The following TANC2 variants were observed in gnomAD, a reference collection of about 807,000 sequenced individuals.
The protein encoded by TANC2 is tetratricopeptide repeat, ankyrin repeat and coiled-coil containing 2, also known as protein TANC2.
TANC2 carries 26 observed loss-of-function variants against 210.5 expected under a neutral mutation model. That is an observed-to-expected ratio of 0.12 (90% CI 0.09 to 0.17). TANC2 has a LOEUF of 0.17. TANC2 is among the 10% of genes least tolerant of loss of function. TANC2 has a pLI of 1.00. For missense variants in TANC2, 2,129 were observed against 2,608.9 expected (o/e 0.82, Z 4.01); for synonymous variants, 931 against 967.1 (o/e 0.96, Z 0.69).
chr17:62,991,751 G>C (rs2032881698), intron 1 of TANC2, among the ~76,000 whole-genome samples: 1 of 151,810 alleles, frequency 6.6e-6, no homozygotes, highest in South Asian at 2.1e-4. Flanking sequence ...TAAGAATCTA[G>C]AGCAAAAACA....
chr17:63,168,812 TACTC>T lies in TANC2; in HGVS notation c.433+17436_433+17439del, dbSNP rs534527811. 6.4e-3 allele frequency among the ~76,000 whole-genome samples: 968 copies of T among 152,298 alleles called. 6 individuals are homozygous for T. Among genetic ancestry groups the T allele is most frequent in the Middle Eastern group, 0.014 (4 of 294 alleles). ...AGAGTGGGAGAATGAAAATATCCGT[TACTC>T]ACTTACTGTTAAAACATACAGTTTC... On this transcript the variant is annotated intron_variant, in intron 5 of 27. Coordinates refer to ENST00000689528, the Ensembl canonical transcript of TANC2.
chr17:63,155,947 C>T (rs555920382), intron 5 of TANC2, among the ~76,000 whole-genome samples: 123 of 152,184 alleles, frequency 8.1e-4, no homozygotes, highest in African/African-American at 2.8e-3. Context: ...ACTGTCTTTT[C>T]CCAACTCCTG....
chr17:63,117,006 G>C (rs1165856188), intron 4 of TANC2: 2 of 152,196 alleles, frequency 1.3e-5, no homozygotes, highest in Non-Finnish European at 2.9e-5. Context: ...GAAGGAAACA[G>C]TAAGAGAGGA....
At chr17:63,140,157 C>G (rs1282614616) in intron 4 of TANC2, among the ~76,000 whole-genome samples, 1 of 152,208 alleles carries the variant, frequency 6.6e-6, no homozygotes, top group Non-Finnish European at 1.5e-5. Context: ...CTTAAACCTT[C>G]AAATGATTCT....
At chr17:62,980,250 G>A (rs1177612049) in intron 1 of TANC2, among the ~76,000 whole-genome samples, 1 of 152,156 alleles carries the variant, frequency 6.6e-6, no homozygotes, top group Non-Finnish European at 1.5e-5. Context: ...TGTTCTGTTT[G>A]TTTCTTATTG....
intron 5 of TANC2, chr17:63,153,107 G>C (rs1226306741): frequency 6.6e-6 from 1 of 152,070 alleles, no homozygotes; most frequent in Admixed American, 6.6e-5. Flanking sequence ...TTTCTACCAA[G>C]ATAAGAATGG....
chr17:63,282,646 C>T (rs1295420200), intron 9 of TANC2, among the ~76,000 whole-genome samples: 2 of 152,094 alleles, frequency 1.3e-5, no homozygotes, highest in Non-Finnish European at 2.9e-5. Context: ...TTCGTTCTCA[C>T]TATCCATGTA....
chr17:63,093,314 A>G (rs2037272607), intron 3 of TANC2, among the ~76,000 whole-genome samples: 1 of 151,964 alleles, frequency 6.6e-6, no homozygotes, highest in African/African-American at 2.4e-5. Context: ...GTATGCTTCA[A>G]GGTCCGTGTT....
chr17:63,340,238 C>G, exon 12 of TANC2: 1 of 1,613,958 alleles, frequency 6.2e-7, no homozygotes, highest in South Asian at 1.1e-5. Flanking sequence ...GGGAACCTCA[C>G]CTGCAGAGCA....
intron 2 of TANC2, among the ~76,000 whole-genome samples, chr17:63,023,474 G>A (rs117413361): frequency 0.025 from 3,798 of 152,326 alleles, 62 homozygotes; most frequent in Non-Finnish European, 0.037. Flanking sequence ...CCACGTAGCT[G>A]AGACTACAGG....
intron 8 of TANC2, among the ~76,000 whole-genome samples, chr17:63,243,052 C>G (rs1467058745): frequency 6.6e-6 from 1 of 152,178 alleles, no homozygotes; most frequent in Non-Finnish European, 1.5e-5. Flanking sequence ...TGCTATTGCT[C>G]TGAGTAAAAA....
chr17:63,125,019 T>C (rs539222632), intron 4 of TANC2: 29 of 152,288 alleles, frequency 1.9e-4, no homozygotes, highest in Non-Finnish European at 3.7e-4. Context: ...AAAAATGAAA[T>C]GTTTCTCTTT....
Position 63,287,769 on chromosome 17 carries a change from A to G in TANC2, c.1159+19896A>G, listed in dbSNP as rs1450280135. Among the ~76,000 whole-genome samples the G allele has an allele frequency of 2.0e-5, 3 of 151,404 alleles. No homozygotes were observed. The East Asian group carries it at 5.9e-4, about 30-fold the overall frequency. On this transcript the variant is annotated intron_variant, in intron 9 of 27. Transcript: ENST00000689528. ...CAGCTCACTGCAGTCTCCATCTCCTAGTCTCAGCAATTCTCCTGCCTCAGC... is the reference window on the plus strand; with the variant it reads ...CAGCTCACTGCAGTCTCCATCTCCTGGTCTCAGCAATTCTCCTGCCTCAGC...
chr17:63,341,678 A>T (rs1036833451), intron 12 of TANC2, among the ~76,000 whole-genome samples: 10 of 152,242 alleles, frequency 6.6e-5, no homozygotes, highest in African/African-American at 2.4e-4. Context: ...TAAACCATTC[A>T]TGGCACACCT....
rs561053300 is a variant in TANC2 at position 63,368,381 on chromosome 17, G to C, written c.2583-11337G>C. ...AATGTGCCTTTAGAAAATAGACAGA[G>C]AGAATGCTCAAGGCATGCAGCTATA... On this transcript the variant is annotated intron_variant, in intron 14 of 27. Transcript: ENST00000689528. 1.1e-4 allele frequency among the ~76,000 whole-genome samples: 17 copies of C among 152,266 alleles called. No individual in the cohort carries two copies. In the East Asian group the frequency reaches 1.3e-3, roughly 12 times the overall value.
chr17:63,233,087 C>T (rs748032991), intron 7 of TANC2, among the ~76,000 whole-genome samples: 3 of 152,164 alleles, frequency 2.0e-5, no homozygotes, highest in Non-Finnish European at 2.9e-5. Context: ...GGGTCTAAAC[C>T]GCCCAGTCTC....
chr17:63,101,773 G>T (rs1462837160), intron 4 of TANC2, among the ~76,000 whole-genome samples: 1 of 152,250 alleles, frequency 6.6e-6, no homozygotes, highest in East Asian at 1.9e-4. Context: ...AACTGGGGTT[G>T]AGGTAGAGTT....
At chr17:63,069,232 A>G (rs2036311631) in intron 2 of TANC2, among the ~76,000 whole-genome samples, 1 of 152,214 alleles carries the variant, frequency 6.6e-6, no homozygotes, top group Non-Finnish European at 1.5e-5. Flanking sequence ...CATTTACATT[A>G]TGAACATATT....
intron 7 of TANC2, among the ~76,000 whole-genome samples, chr17:63,207,316 T>C (rs751394563): frequency 1.3e-5 from 2 of 149,240 alleles, no homozygotes; most frequent in Admixed American, 1.4e-4. Flanking sequence ...CCCGGGTTCA[T>C]GCCATTCTCC....
Sources: allele counts gnomAD v4.1 joint callset (sites outside exome capture counted in the v4.1 genomes callset), GRCh38; gene constraint gnomAD v4.1.1; transcripts MANE v1.5; gene names NCBI Gene and HGNC (gene_info 2026-07-23, HGNC 2026-07-21).